SCNN1B: variants seen among roughly 807,000 people sequenced by gnomAD.
SCNN1B encodes epithelial sodium channel subunit beta.
In SCNN1B, 46 loss-of-function variants were observed where a neutral mutation model predicts 65.3. The observed-to-expected ratio is 0.70, with a 90% CI of 0.56 to 0.90. The LOEUF is 0.90. Ranked by LOEUF, SCNN1B falls within the 40% of genes least tolerant of loss-of-function variation. SCNN1B has a pLI of 0.00. For missense variants in SCNN1B, 751 were observed against 830.5 expected (o/e 0.90, Z 1.18); for synonymous variants, 349 against 330.6 (o/e 1.06, Z -0.60).
At chr16:23,304,175 A>G in intron 1 of SCNN1B, 1 of 1,194,768 alleles carries the variant, frequency 8.4e-7, no homozygotes, top group Non-Finnish European at 1.2e-6. Context: ...CTTTATCCTA[A>G]ACTAACTTCA....
At chr16:23,306,654 G>T (rs1331667966) in intron 1 of SCNN1B, among the ~76,000 whole-genome samples, 2 of 152,222 alleles carry the variant, frequency 1.3e-5, no homozygotes, top group Non-Finnish European at 2.9e-5. Context: ...CAAAGAGAAG[G>T]GCTTTTTAAG....
chr16:23,301,576 A>G (rs956217565), upstream of SCNN1B, among the ~76,000 whole-genome samples: 24 of 152,236 alleles, frequency 1.6e-4, no homozygotes, highest in Middle Eastern at 3.2e-3. Context: ...AAAGTGGCTG[A>G]AATGATAGTC....
At chr16:23,304,442 G>A (rs1961152132) in intron 1 of SCNN1B, among the ~76,000 whole-genome samples, 2 of 152,204 alleles carry the variant, frequency 1.3e-5, no homozygotes, top group African/African-American at 4.8e-5. Context: ...TGCAGTCTCT[G>A]CAGGTCCCTA....
chr16:23,359,539 C>G (rs1482752976), intron 4 of SCNN1B, among the ~76,000 whole-genome samples: 2 of 152,190 alleles, frequency 1.3e-5, no homozygotes, highest in East Asian at 3.9e-4. Flanking sequence ...GCCTTGGACA[C>G]AGCTGTGGGA....
upstream of SCNN1B, among the ~76,000 whole-genome samples, chr16:23,299,207 G>A (rs940501311): frequency 6.6e-6 from 1 of 151,644 alleles, no homozygotes; most frequent in Non-Finnish European, 1.5e-5. Context: ...TTACAGGTGC[G>A]CACCACCATG....
At chr16:23,301,223 A>C (rs761783540), upstream of SCNN1B, among the ~76,000 whole-genome samples, 2 of 151,924 alleles carry the variant, frequency 1.3e-5, no homozygotes, top group Non-Finnish European at 2.9e-5. Flanking sequence ...TTAGCCGGGC[A>C]TGGTGGTGCA....
chr16:23,343,663 G>A (rs1326281935), intron 1 of SCNN1B, among the ~76,000 whole-genome samples: 1 of 147,490 alleles, frequency 6.8e-6, no homozygotes, highest in African/African-American at 2.5e-5. Flanking sequence ...AAGAAAGGAA[G>A]GAAGGAAGAA....
At chr16:23,278,608 T>A (rs1960738460) in intron 1 of SCNN1B, among the ~76,000 whole-genome samples, 1 of 151,998 alleles carries the variant, frequency 6.6e-6, no homozygotes, top group Non-Finnish European at 1.5e-5. Flanking sequence ...GGGGTTTTCT[T>A]ATAGGGTGAT....
intron 10 of SCNN1B, among the ~76,000 whole-genome samples, 188 bp downstream of exon 10, chr16:23,377,574 C>CCCTTTCTTCATTCCTTCTCCCTT (rs1962929142): frequency 2.4e-5 from 3 of 125,062 alleles, no homozygotes; most frequent in Non-Finnish European, 5.1e-5. Flanking sequence ...CCTCTCTTTT[C>CCCTTTCTTCATTCCTTCTCCCTT]CCTTCCTCCC....
intron 2 of SCNN1B, among the ~76,000 whole-genome samples, chr16:23,295,293 A>C (rs989530609): frequency 1.3e-5 from 2 of 151,814 alleles, no homozygotes; most frequent in Non-Finnish European, 2.9e-5. Flanking sequence ...ATCATAACTC[A>C]CTGCAGCCTC....
chr16:23,380,181 A>C lies in SCNN1B; in HGVS notation c.1542+12A>C. The C allele has an allele frequency of 6.2e-7, 1 of 1,611,000 alleles. No homozygotes were observed. The highest frequency in any genetic ancestry group is 1.1e-5 in the South Asian group (1 of 91,002). ...CAGCAGCCAATAACGTGAGTTTAGG[A>C]GTCTCCCAATACCCCAGCCCTGCCC... On this transcript the variant is annotated intron_variant, in intron 12 of 12. Coordinates refer to ENST00000343070, the MANE Select transcript of SCNN1B (RefSeq NM_000336.3). The surrounding 1 kb of genome is among the most constrained non-coding windows in gnomAD (Gnocchi z 5.4).
intron 1 of SCNN1B, among the ~76,000 whole-genome samples, chr16:23,303,570 C>T (rs1285450726): frequency 6.6e-6 from 1 of 152,038 alleles, no homozygotes; most frequent in African/African-American, 2.4e-5. Context: ...AGACCCTTTC[C>T]CCCACCTACA....
chr16:23,282,470 A>G (rs1439434030), intron 1 of SCNN1B, among the ~76,000 whole-genome samples: 3 of 152,226 alleles, frequency 2.0e-5, no homozygotes, highest in Non-Finnish European at 4.4e-5. Flanking sequence ...CACAAAGCAA[A>G]TAAGTACAGA....
chr16:23,284,163 G>T (rs1960819969), intron 2 of SCNN1B, among the ~76,000 whole-genome samples: 2 of 152,130 alleles, frequency 1.3e-5, no homozygotes, highest in Admixed American at 1.3e-4. Flanking sequence ...CCAACATTTG[G>T]GATGGCTGAG....
At chr16:23,299,380 TCAATA>T (rs1438592377), upstream of SCNN1B, among the ~76,000 whole-genome samples, 16 of 152,154 alleles carry the variant, frequency 1.1e-4, no homozygotes, top group East Asian at 3.9e-4. Flanking sequence ...TTTTCATAGG[TCAATA>T]ATAGTCAAAT....
chr16:23,376,829 C>T (rs573329395), intron 8 of SCNN1B, among the ~76,000 whole-genome samples: 22 of 151,690 alleles, frequency 1.5e-4, no homozygotes, highest in African/African-American at 5.1e-4. Context: ...AGACTCACCA[C>T]TTACAACCAA....
At chr16:23,303,986 A>C (rs1961140025) in intron 1 of SCNN1B, 1 of 1,147,546 alleles carries the variant, frequency 8.7e-7, no homozygotes, top group Non-Finnish European at 1.3e-6. Flanking sequence ...GAGCCCTCTC[A>C]TCACCAGTTA....
At chr16:23,305,472 C>A (rs1294884250) in intron 1 of SCNN1B, among the ~76,000 whole-genome samples, 1 of 134,860 alleles carries the variant, frequency 7.4e-6, no homozygotes. Flanking sequence ...GTTGCTTGAG[C>A]TTAGGAGATC....
At chr16:23,316,177 C>A (rs1373527634) in intron 1 of SCNN1B, among the ~76,000 whole-genome samples, 1 of 151,702 alleles carries the variant, frequency 6.6e-6, no homozygotes, top group East Asian at 1.9e-4. Flanking sequence ...TCATCATCAT[C>A]ACCACCATCA....
Sources: gnomAD v4.1 joint callset for allele counts (sites outside exome capture counted in the v4.1 genomes callset) on GRCh38, gnomAD v4.1.1 for gene constraint, Gnocchi (gnomAD v3.1) non-coding constraint, MANE v1.5 for transcripts, NCBI Gene and HGNC (gene_info 2026-07-23, HGNC 2026-07-21) for gene names.